The following PPP2R5E variants were observed in gnomAD, a reference collection of about 807,000 sequenced individuals.
PPP2R5E encodes protein phosphatase 2 regulatory subunit B'epsilon.
In PPP2R5E, 4 loss-of-function variants were observed where a neutral mutation model predicts 65.3. The ratio of observed to expected loss-of-function variants is 0.06; its 90% confidence interval spans 0.03 to 0.14. The LOEUF is 0.14. Ranked by LOEUF, PPP2R5E falls within the 10% of genes least tolerant of loss-of-function variation. The pLI, the probability that PPP2R5E is intolerant of heterozygous loss-of-function variation, is 1.00. For synonymous variants in PPP2R5E, 183 were observed against 187.4 expected, an observed-to-expected ratio of 0.98 and a Z score of 0.19; for missense variants, 274 against 556.1, an observed-to-expected ratio of 0.49 and a Z score of 5.10.
At chr14:63,422,758 A>AAAT (rs1887110588) in intron 3 of PPP2R5E, among the ~76,000 whole-genome samples, 1 of 148,464 alleles carries the variant, frequency 6.7e-6, no homozygotes, top group African/African-American at 2.5e-5. Context: ...AAAAAAAAAA[A>AAAT]ACTGGTAATG....
At chr14:63,483,851 G>A (rs1890834864) in intron 2 of PPP2R5E, among the ~76,000 whole-genome samples, 1 of 152,122 alleles carries the variant, frequency 6.6e-6, no homozygotes, top group African/African-American at 2.4e-5. Flanking sequence ...TTGGGAGGCC[G>A]AGGCGGGTGG....
rs1893171216 is a variant in PPP2R5E at position 63,526,005 on chromosome 14, TACC to T, written c.157+13521_157+13523del. Among the ~76,000 whole-genome samples, 3 of 151,940 alleles carry T rather than the reference TACC, an allele frequency of 2.0e-5. No homozygotes were observed. The South Asian group carries it at 6.2e-4, about 32-fold the overall frequency. On this transcript the variant is annotated intron_variant, in intron 2 of 13. Transcript: ENST00000337537. Reference sequence around the variant, plus strand: ...CCAAGTAGCTGAGATTACAGGCACCTACCACCACACCTGGCTAATTTTTTTTGT... The same window carrying T: ...CCAAGTAGCTGAGATTACAGGCACCTACCACACCTGGCTAATTTTTTTTGT...
At chr14:63,433,270 A>G (rs1217437777) in intron 3 of PPP2R5E, among the ~76,000 whole-genome samples, 2 of 151,944 alleles carry the variant, frequency 1.3e-5, no homozygotes, top group Non-Finnish European at 2.9e-5. Flanking sequence ...ACTCCTGAGC[A>G]CAGGCAATCC....
intron 2 of PPP2R5E, among the ~76,000 whole-genome samples, chr14:63,513,000 C>T (rs1486421355): frequency 6.6e-6 from 1 of 151,956 alleles, no homozygotes; most frequent in Non-Finnish European, 1.5e-5. Flanking sequence ...CCCCCCTACC[C>T]CCCACCAAGA....
intron 2 of PPP2R5E, among the ~76,000 whole-genome samples, chr14:63,460,463 T>C (rs1488773133): frequency 1.3e-5 from 2 of 152,204 alleles, no homozygotes; most frequent in Non-Finnish European, 2.9e-5. Flanking sequence ...GTTGTACATA[T>C]ACTTCCATTG....
chr14:63,387,381 G>C (rs963637949), intron 11 of PPP2R5E, among the ~76,000 whole-genome samples: 10 of 152,130 alleles, frequency 6.6e-5, no homozygotes, highest in Admixed American at 5.2e-4. Flanking sequence ...AAAAATTACT[G>C]TGTCTGACAA....
At chr14:63,467,450 G>T (rs1373263939) in intron 2 of PPP2R5E, among the ~76,000 whole-genome samples, 2 of 151,984 alleles carry the variant, frequency 1.3e-5, no homozygotes, top group African/African-American at 4.8e-5. Context: ...AACATGCCAT[G>T]GGGTAGTACA....
intron 2 of PPP2R5E, among the ~76,000 whole-genome samples, chr14:63,514,417 G>A (rs1338458587): frequency 1.3e-5 from 2 of 151,756 alleles, no homozygotes; most frequent in Admixed American, 1.3e-4. Context: ...CACCTTTCCT[G>A]CTAACCAGAG....
At chr14:63,379,288 A>G (rs1346101448) in intron 13 of PPP2R5E, among the ~76,000 whole-genome samples, 2 of 151,606 alleles carry the variant, frequency 1.3e-5, no homozygotes, top group Admixed American at 6.6e-5. Flanking sequence ...TCGGCCTCCC[A>G]AAGAGCTGGG....
intron 2 of PPP2R5E, among the ~76,000 whole-genome samples, chr14:63,492,959 G>T (rs904940434): frequency 2.0e-5 from 3 of 152,112 alleles, no homozygotes; most frequent in South Asian, 2.1e-4. Flanking sequence ...AAATTGGCCT[G>T]CCTGTCCCTA....
intron 2 of PPP2R5E, among the ~76,000 whole-genome samples, chr14:63,482,703 T>TA (rs774952641): frequency 2.0e-5 from 3 of 152,126 alleles, no homozygotes; most frequent in Non-Finnish European, 4.4e-5. Flanking sequence ...TCTGAATGCA[T>TA]AAAAATCTTA....
At chr14:63,454,461 G>A (rs559187144) in intron 2 of PPP2R5E, among the ~76,000 whole-genome samples, 14 of 152,218 alleles carry the variant, frequency 9.2e-5, no homozygotes, top group African/African-American at 3.1e-4. Flanking sequence ...CTCAAAAAGA[G>A]CACACCAGCA....
intron 13 of PPP2R5E, 52 bp from the exon 14 acceptor site, chr14:63,376,160 G>A (rs778080860): frequency 1.6e-6 from 2 of 1,261,300 alleles, no homozygotes; most frequent in Non-Finnish European, 2.3e-6. Context: ...ATGAGATTAT[G>A]CAACAATGAA....
chr14:63,444,613 A>C (rs1346944234), intron 3 of PPP2R5E, among the ~76,000 whole-genome samples: 1 of 152,222 alleles, frequency 6.6e-6, no homozygotes, highest in Non-Finnish European at 1.5e-5. Context: ...TCGAGAAAAA[A>C]AAAAGATGTG....
intron 3 of PPP2R5E, among the ~76,000 whole-genome samples, chr14:63,430,627 T>C (rs1887624198): frequency 1.3e-5 from 2 of 152,168 alleles, no homozygotes; most frequent in South Asian, 4.1e-4. Context: ...TAGATAATTA[T>C]TGATAAATAA....
At chr14:63,458,822 C>A (rs1889294811) in intron 2 of PPP2R5E, among the ~76,000 whole-genome samples, 1 of 152,028 alleles carries the variant, frequency 6.6e-6, no homozygotes, top group Non-Finnish European at 1.5e-5. Flanking sequence ...ATTTATATTT[C>A]CATTCAAAAG....
At chr14:63,531,506 T>G (rs183388016) in intron 2 of PPP2R5E, among the ~76,000 whole-genome samples, 3 of 152,134 alleles carry the variant, frequency 2.0e-5, no homozygotes, top group Non-Finnish European at 2.9e-5. Flanking sequence ...ATAACATAGT[T>G]TGGCACTTGC....
chr14:63,537,189 C>T (rs967738904), intron 2 of PPP2R5E, among the ~76,000 whole-genome samples: 1 of 151,862 alleles, frequency 6.6e-6, no homozygotes, highest in Non-Finnish European at 1.5e-5. Flanking sequence ...AATTGTTTAC[C>T]ATAAGATCCA....
intron 2 of PPP2R5E, among the ~76,000 whole-genome samples, chr14:63,466,285 A>C (rs78078701): frequency 6.6e-6 from 1 of 151,322 alleles, no homozygotes; most frequent in Non-Finnish European, 1.5e-5. Flanking sequence ...AAAAAAAAAA[A>C]ACAACAACAA....
Sources: gnomAD v4.1 joint callset for allele counts (sites outside exome capture counted in the v4.1 genomes callset) on GRCh38, gnomAD v4.1.1 for gene constraint, MANE v1.5 for transcripts, NCBI Gene and HGNC (gene_info 2026-07-23, HGNC 2026-07-21) for gene names.